ANGPT1: variants seen among roughly 807,000 people sequenced by gnomAD.
ANGPT1 encodes angiopoietin 1.
A neutral mutation model predicts 62.2 loss-of-function variants in ANGPT1; 17 were observed. The ratio of observed to expected loss-of-function variants is 0.27; its 90% CI spans 0.19 to 0.41. ANGPT1 has a LOEUF of 0.41. Among genes scored for constraint, ANGPT1 ranks in the 10% least tolerant of loss-of-function variants. ANGPT1 has a pLI of 1.00. For synonymous variants in ANGPT1, 199 were observed against 198.9 expected (o/e 1.00, Z 0.00); for missense variants, 478 against 594.9 (o/e 0.80, Z 2.04).
intron 4 of ANGPT1, among the ~76,000 whole-genome samples, chr8:107,307,253 A>G (rs965317088): frequency 6.6e-6 from 1 of 151,992 alleles, no homozygotes; most frequent in Non-Finnish European, 1.5e-5. Flanking sequence ...ATAATGGTCC[A>G]TTTGGCATCC....
At chr8:107,325,788 A>G (rs1211602535) in intron 3 of ANGPT1, among the ~76,000 whole-genome samples, 1 of 151,940 alleles carries the variant, frequency 6.6e-6, no homozygotes, top group African/African-American at 2.4e-5. Flanking sequence ...TTTTCTGTTT[A>G]TTTTTGATGT....
rs923292706 is a variant in ANGPT1 at position 107,421,639 on chromosome 8, T to C, written c.298-74542A>G. 1.7e-4 allele frequency among the ~76,000 whole-genome samples: 26 copies of C among 152,264 alleles called. 1 individual carries two copies. Among genetic ancestry groups the C allele is most frequent in the Admixed American group, 9.8e-4 (15 of 15,294 alleles). On this transcript the variant is annotated intron_variant, in intron 1 of 8. Transcript: ENST00000517746. ...TAGCATCTGTCAATATCAGGTCCGG[T>C]GTGAAAGCAAAGCCGCTCTTTGAAT...
chr8:107,465,997 C>T (rs909618097), intron 1 of ANGPT1, among the ~76,000 whole-genome samples: 1 of 152,174 alleles, frequency 6.6e-6, no homozygotes, highest in African/African-American at 2.4e-5. Context: ...TTAGCCGTTC[C>T]ACTGTCCTTC....
chr8:107,369,746 G>A (rs928224378), intron 1 of ANGPT1, among the ~76,000 whole-genome samples: 2 of 141,906 alleles, frequency 1.4e-5, no homozygotes, highest in Non-Finnish European at 3.1e-5. Flanking sequence ...TGGCCCATGA[G>A]TGGAGAAGTC....
At chr8:107,475,187 C>T (rs1485120691) in intron 1 of ANGPT1, among the ~76,000 whole-genome samples, 1 of 151,506 alleles carries the variant, frequency 6.6e-6, no homozygotes, top group Non-Finnish European at 1.5e-5. Context: ...TCAAACTATA[C>T]TACAAGGCTA....
chr8:107,360,699 G>C (rs1816143645), intron 1 of ANGPT1, among the ~76,000 whole-genome samples: 1 of 152,132 alleles, frequency 6.6e-6, no homozygotes, highest in South Asian at 2.1e-4. Context: ...AATGGCATTT[G>C]AGTTGCCATC....
chr8:107,481,532 C>CAAAAAAAAAAAA lies in ANGPT1; in HGVS notation c.297+15718_297+15729dup, dbSNP rs71562147. 2.1e-3 allele frequency among the ~76,000 whole-genome samples: 134 copies of CAAAAAAAAAAAA among 64,310 alleles called. 1 individual carries two copies. The highest frequency in any genetic ancestry group is 8.1e-3 in the African/African-American group (123 of 15,196). 42.2% of individuals were successfully genotyped at this position (64,310 alleles called of 152,430 possible). A position where few individuals can be genotyped will look rare whatever the true frequency, so the allele number is the denominator to read the frequency against. On this transcript the variant is annotated intron_variant, in intron 1 of 8. Coordinates refer to ENST00000517746, the MANE Select transcript of ANGPT1 (RefSeq NM_001146.5). ...CTGGCAACAAAGCAAGACTCTGTCT[C>CAAAAAAAAAAAA]AAAAAAAAAAAAAAAAAAAAAAAAG...
chr8:107,370,170 GAGAA>G (rs1816354530), intron 1 of ANGPT1, among the ~76,000 whole-genome samples: 1 of 98,748 alleles, frequency 1.0e-5, no homozygotes, highest in Non-Finnish European at 2.1e-5. Flanking sequence ...GAAAGAAAGA[GAGAA>G]AGAAGAAAGA....
chr8:107,444,282 G>A (rs1811556541), intron 1 of ANGPT1, among the ~76,000 whole-genome samples: 1 of 152,156 alleles, frequency 6.6e-6, no homozygotes, highest in South Asian at 2.1e-4. Context: ...CAGGTTTTTA[G>A]GATTAAATTG....
At position 107,299,420 on chromosome 8, in the gene ANGPT1, TAAAC is replaced by T. The variant is rs1814503982; in HGVS notation, c.936+3816_936+3819del. ...ATATATATATATATATATATATATA[TAAAC>T]ATACATATATATACTAAGCATATAT... On this transcript the variant is annotated intron_variant, in intron 5 of 8. Transcript: ENST00000517746. Among the ~76,000 whole-genome samples the T allele has an allele frequency of 1.7e-4, 20 of 120,318 alleles. No homozygotes were observed. In the East Asian group the frequency reaches 2.2e-3, roughly 14 times the overall value. 78.9% of individuals were successfully genotyped at this position (120,318 alleles called of 152,430 possible). A position where few individuals can be genotyped will look rare whatever the true frequency, so the allele number is the denominator to read the frequency against.
At chr8:107,466,847 G>T (rs1393965670) in intron 1 of ANGPT1, among the ~76,000 whole-genome samples, 1 of 152,140 alleles carries the variant, frequency 6.6e-6, no homozygotes, top group Middle Eastern at 3.4e-3. Context: ...AGGAGGCCGA[G>T]GTTGCAGTGA....
At chr8:107,275,031 G>A (rs761503568) in intron 7 of ANGPT1, among the ~76,000 whole-genome samples, 1 of 152,058 alleles carries the variant, frequency 6.6e-6, no homozygotes, top group South Asian at 2.1e-4. Flanking sequence ...ACTGAGCTAA[G>A]ACTTAAAGGA....
chr8:107,488,732 G>A (rs1292730709), intron 1 of ANGPT1, among the ~76,000 whole-genome samples: 7 of 152,080 alleles, frequency 4.6e-5, no homozygotes, highest in Non-Finnish European at 1.5e-5. Flanking sequence ...TGGTAATAAG[G>A]TTACAATTCT....
At chr8:107,339,963 A>T (rs1815659380) in intron 2 of ANGPT1, among the ~76,000 whole-genome samples, 1 of 152,206 alleles carries the variant, frequency 6.6e-6, no homozygotes, top group Non-Finnish European at 1.5e-5. Flanking sequence ...TAGAGCACAA[A>T]TGCCAATCCC....
intron 1 of ANGPT1, among the ~76,000 whole-genome samples, chr8:107,479,146 T>G (rs1468335430): frequency 6.6e-6 from 1 of 151,980 alleles, no homozygotes; most frequent in African/African-American, 2.4e-5. Flanking sequence ...CCAGATTTTT[T>G]TTTTGTTTTG....
At chr8:107,269,313 T>G (rs778168035) in intron 7 of ANGPT1, among the ~76,000 whole-genome samples, 9 of 145,526 alleles carry the variant, frequency 6.2e-5, no homozygotes, top group Admixed American at 4.8e-4. Flanking sequence ...TAATTAGATT[T>G]AAAAAAAAAA....
chr8:107,477,427 G>A (rs1382924751), intron 1 of ANGPT1, among the ~76,000 whole-genome samples: 1 of 152,148 alleles, frequency 6.6e-6, no homozygotes, highest in Non-Finnish European at 1.5e-5. Context: ...TAGTAAGCCA[G>A]GGCCAGCTTA....
chr8:107,323,597 A>G (rs1815207498), intron 3 of ANGPT1, among the ~76,000 whole-genome samples: 1 of 152,144 alleles, frequency 6.6e-6, no homozygotes, highest in Admixed American at 6.5e-5. Flanking sequence ...GAGGGAATCG[A>G]GAGAAGTCCA....
chr8:107,415,074 C>T (rs78878220), intron 1 of ANGPT1, among the ~76,000 whole-genome samples: 4,712 of 152,196 alleles, frequency 0.031, 98 homozygotes, highest in Middle Eastern at 0.051. Flanking sequence ...TTACTCTGCT[C>T]TGATCAAGGA....
Sources: gnomAD v4.1 joint callset for allele counts (sites outside exome capture counted in the v4.1 genomes callset) on GRCh38, gnomAD v4.1.1 for gene constraint, MANE v1.5 for transcripts, NCBI Gene and HGNC (gene_info 2026-07-23, HGNC 2026-07-21) for gene names.